The following TRABD2A variants were observed in gnomAD, a reference collection of about 807,000 sequenced individuals.
The protein encoded by TRABD2A is TraB domain containing 2A, also known as metalloprotease TIKI1.
A neutral mutation model predicts 45.6 loss-of-function variants in TRABD2A; 43 were observed. The observed-to-expected ratio is 0.94, with a 90% confidence interval of 0.74 to 1.22. TRABD2A has a LOEUF of 1.22. Among genes scored for constraint, TRABD2A ranks in the 50% most tolerant of loss-of-function variants. The pLI, the probability that TRABD2A is intolerant of heterozygous loss-of-function variation, is 0.00. For synonymous variants in TRABD2A, 269 were observed against 265.0 expected, an observed-to-expected ratio of 1.02 and a Z score of -0.15; for missense variants, 642 against 652.4, an observed-to-expected ratio of 0.98 and a Z score of 0.17.
At chr2:84,838,657 C>T (rs115399880) in intron 4 of TRABD2A, among the ~76,000 whole-genome samples, 3 of 151,976 alleles carry the variant, frequency 2.0e-5, no homozygotes, top group South Asian at 2.1e-4. Context: ...AGAGTCACTC[C>T]GGGGGAGAGA....
intron 1 of TRABD2A, among the ~76,000 whole-genome samples, chr2:84,878,856 G>A (rs1304554485): frequency 1.3e-5 from 2 of 152,214 alleles, no homozygotes; most frequent in African/African-American, 2.4e-5. Flanking sequence ...TACAGCATGT[G>A]TGCCGCTGAT....
At chr2:84,825,560 C>A (rs116374824) in intron 5 of TRABD2A, among the ~76,000 whole-genome samples, 1 of 152,156 alleles carries the variant, frequency 6.6e-6, no homozygotes, top group African/African-American at 2.4e-5. Context: ...AGCGCAATGC[C>A]TGGTACATAA....
At chr2:84,852,181 C>T (rs1682119629) in intron 2 of TRABD2A, among the ~76,000 whole-genome samples, 2 of 152,214 alleles carry the variant, frequency 1.3e-5, no homozygotes, top group Admixed American at 1.3e-4. Context: ...AGCACATACT[C>T]TTCTACAGTC....
rs1233237167 is a variant in TRABD2A at position 84,830,767 on chromosome 2, G to T, written c.1082+1288C>A. 6.6e-6 allele frequency among the ~76,000 whole-genome samples: 1 copy of T among 152,204 alleles called. No homozygotes were observed. Among genetic ancestry groups the T allele is most frequent in the Non-Finnish European group, 1.5e-5 (1 of 68,034 alleles). On this transcript the variant is annotated intron_variant, in intron 5 of 6. Coordinates refer to ENST00000409520, the MANE Select transcript of TRABD2A (RefSeq NM_001277053.2). The surrounding 1 kb of genome is among the most constrained non-coding windows in gnomAD (Gnocchi z 4.9). ...AGGATGTATCCAGGATTTCCCGCCT[G>T]AAGGGAGACTGGCAGGAGCCTCTGG...
intron 5 of TRABD2A, among the ~76,000 whole-genome samples, chr2:84,828,774 A>G (rs918034573): frequency 6.6e-6 from 1 of 152,264 alleles, no homozygotes; most frequent in Non-Finnish European, 1.5e-5. Flanking sequence ...AATTTTGAAA[A>G]TTAGATCCTT....
At chr2:84,836,643 C>T (rs180885640) in intron 4 of TRABD2A, 1 of 152,000 alleles carries the variant, frequency 6.6e-6, no homozygotes. Flanking sequence ...CTTTTTTTCT[C>T]TCCTGTCTTC....
intron 2 of TRABD2A, among the ~76,000 whole-genome samples, chr2:84,859,533 AT>A (rs1253275547): frequency 6.6e-6 from 1 of 152,246 alleles, no homozygotes; most frequent in African/African-American, 2.4e-5. Context: ...AAGCAAATGA[AT>A]AACTTCTCAT....
At chr2:84,873,794 A>T (rs1387885790) in intron 1 of TRABD2A, among the ~76,000 whole-genome samples, 2 of 152,240 alleles carry the variant, frequency 1.3e-5, no homozygotes, top group Non-Finnish European at 2.9e-5. Context: ...TTATTTGTTC[A>T]TTTAGAGGTC....
chr2:84,857,553 CCA>C (rs1484491638), intron 2 of TRABD2A, among the ~76,000 whole-genome samples: 1 of 152,232 alleles, frequency 6.6e-6, no homozygotes, highest in African/African-American at 2.4e-5. Flanking sequence ...TATATCAGTT[CCA>C]CAGAGTCCCT....
intron 1 of TRABD2A, among the ~76,000 whole-genome samples, chr2:84,879,038 T>C (rs1441122835): frequency 6.6e-6 from 1 of 151,986 alleles, no homozygotes; most frequent in African/African-American, 2.4e-5. Context: ...CCTCATTTTC[T>C]CACAAGGTAC....
intron 4 of TRABD2A, 159 bp downstream of exon 4, chr2:84,838,990 C>G: frequency 5.2e-6 from 4 of 763,640 alleles, no homozygotes; most frequent in Non-Finnish European, 8.3e-6. Flanking sequence ...CCATCCCCAG[C>G]TGGAGCCACT....
chr2:84,823,691 C>A (rs915653005), intron 6 of TRABD2A, among the ~76,000 whole-genome samples: 2 of 152,192 alleles, frequency 1.3e-5, no homozygotes. Flanking sequence ...AGATGCCTTC[C>A]ACTTTTAACA....
At chr2:84,874,845 C>T in intron 1 of TRABD2A, 1 of 189,118 alleles carries the variant, frequency 5.3e-6, no homozygotes, top group South Asian at 1.0e-4. Flanking sequence ...CTGCTTCTGC[C>T]CTCGAAGCCT....
At chr2:84,871,027 C>G (rs148476823) in intron 1 of TRABD2A, among the ~76,000 whole-genome samples, 225 of 152,256 alleles carry the variant, frequency 1.5e-3, no homozygotes, top group African/African-American at 5.0e-3. Context: ...TTGGGATCAC[C>G]AGCGGAGCTT....
intron 2 of TRABD2A, among the ~76,000 whole-genome samples, chr2:84,850,402 T>G (rs1329055959): frequency 1.3e-5 from 2 of 152,080 alleles, no homozygotes; most frequent in Non-Finnish European, 2.9e-5. Context: ...GAGGTTGAAC[T>G]GCACTTGGGG....
Position 84,856,293 on chromosome 2 carries a change from C to T in TRABD2A, c.669+13932G>A, listed in dbSNP as rs1268433628. On this transcript the variant is annotated intron_variant, in intron 2 of 6. Transcript: ENST00000409520. Reference sequence around the variant, plus strand: ...CCTTCTCAGGCTCATTTTCTACCTTCGCAGCCACTCTTCCAAATACCTCCT... The same window carrying T: ...CCTTCTCAGGCTCATTTTCTACCTTTGCAGCCACTCTTCCAAATACCTCCT... 8.6e-5 allele frequency among the ~76,000 whole-genome samples: 13 copies of T among 151,980 alleles called. 1 individual carries two copies. The highest frequency in any genetic ancestry group is 1.8e-4 in the Non-Finnish European group (12 of 67,996).
In TRABD2A at chr2:84,865,955, A is replaced by G. The variant is rs1234213091; in HGVS notation, c.669+4270T>C. Among the ~76,000 whole-genome samples, 4 of 152,264 alleles carry G rather than the reference A, an allele frequency of 2.6e-5. No individual in the cohort carries two copies. In the East Asian group the frequency reaches 7.7e-4, roughly 29 times the overall value. On this transcript the variant is annotated intron_variant, in intron 2 of 6. Transcript: ENST00000409520. ...CAGCTGGCAGTACCAAGCAGGCATG[A>G]ACTTCAGGTGAAGGAGAACAGGAGT... is the stretch of plus-strand genomic sequence containing the variant.
rs201117229 is a variant in TRABD2A, at chr2:84,870,301, C to A, written c.593G>T (p.Arg198Leu). 1 of 1,614,006 alleles carries A rather than the reference C, an allele frequency of 6.2e-7. No individual in the cohort carries two copies. Among genetic ancestry groups the A allele is most frequent in the Admixed American group, 1.7e-5 (1 of 60,018 alleles). The change falls in exon 2 of 7, where the codon CGG becomes CTG. Residue 198 changes from arginine (R) to leucine (L), a missense_variant. Transcript: ENST00000409520. ...CACTGCCCCAGTCTGTTTCCTCAGC[C>A]GCTCAGCCTCCTGGGCAAGGAACAG... ...LDLFLAQEAE[R>L]LRKQTGAVEK...
intron 3 of TRABD2A, 65 bp downstream of exon 3, chr2:84,841,796 C>T: frequency 7.0e-7 from 1 of 1,424,572 alleles, no homozygotes. Flanking sequence ...TACATGTTGC[C>T]AGGTAATGTT....
Sources: allele counts gnomAD v4.1 joint callset (sites outside exome capture counted in the v4.1 genomes callset), GRCh38; gene constraint gnomAD v4.1.1; non-coding constraint Gnocchi (gnomAD v3.1); transcripts MANE v1.5; gene names NCBI Gene and HGNC (gene_info 2026-07-23, HGNC 2026-07-21).